The following METTL16 variants were observed in gnomAD, a reference collection of about 807,000 sequenced individuals.
METTL16 encodes the protein RNA N(6)-adenosine-methyltransferase METTL16.
In METTL16, 19 loss-of-function variants were observed where a neutral mutation model predicts 57.9. That is an observed-to-expected ratio of 0.33 (90% confidence interval 0.23 to 0.48). The LOEUF is 0.48. METTL16 is among the 20% of genes least tolerant of loss of function. METTL16 has a pLI of 0.99. For synonymous variants in METTL16, 246 were observed against 255.6 expected (o/e 0.96, Z 0.36); for missense variants, 434 against 691.5 (o/e 0.63, Z 4.18).
At chr17:2,468,213 T>C (rs908836344) in intron 4 of METTL16, among the ~76,000 whole-genome samples, 2 of 152,240 alleles carry the variant, frequency 1.3e-5, no homozygotes, top group African/African-American at 4.8e-5. Flanking sequence ...TAACAATGCA[T>C]TTCTCAGAAT....
At chr17:2,425,670 G>C (rs1476431405) in intron 8 of METTL16, among the ~76,000 whole-genome samples, 1 of 151,848 alleles carries the variant, frequency 6.6e-6, no homozygotes, top group East Asian at 1.9e-4. Context: ...GTAGCAGGGT[G>C]GTCTACAAAT....
intron 6 of METTL16, among the ~76,000 whole-genome samples, chr17:2,456,285 C>T (rs2067109565): frequency 6.6e-6 from 1 of 151,912 alleles, no homozygotes; most frequent in African/African-American, 2.4e-5. Context: ...TACTGACTGA[C>T]AACCCTACTT....
At position 2,508,123 on chromosome 17, in the gene METTL16, TAA is replaced by T. The variant is rs66655664; in HGVS notation, c.-1+3634_-1+3635del. On this transcript the variant is annotated intron_variant, in intron 1 of 9. Coordinates refer to ENST00000263092, the MANE Select transcript of METTL16 (RefSeq NM_024086.4). The stretch of plus-strand genomic sequence containing the variant: ...GCGAGAAACACCCAAGAATGATCAA[TAA>T]AAAAAAAAAAAAAGACAAATCCTCT... Among the ~76,000 whole-genome samples, 457 of 144,206 alleles carry T rather than the reference TAA, an allele frequency of 3.2e-3. 2 individuals carry two copies. The highest frequency in any genetic ancestry group is 7.2e-3 in the Middle Eastern group (2 of 276). The allele number at this position is 144,206 out of a possible 152,430, so 94.6% of individuals were successfully genotyped here.
At chr17:2,507,375 TGGG>T (rs1170741240) in intron 1 of METTL16, among the ~76,000 whole-genome samples, 2 of 120,478 alleles carry the variant, frequency 1.7e-5, no homozygotes, top group African/African-American at 6.5e-5. Context: ...GGGAGGGAGG[TGGG>T]GGGGTCAGCC....
At chr17:2,456,391 T>G (rs1194339604) in intron 6 of METTL16, among the ~76,000 whole-genome samples, 1 of 152,210 alleles carries the variant, frequency 6.6e-6, no homozygotes, top group Non-Finnish European at 1.5e-5. Flanking sequence ...AGTGGTATGT[T>G]CTTTTTAACA....
chr17:2,416,075 T>C lies in METTL16; in HGVS notation c.*3895A>G, dbSNP rs2066712443. On this transcript the variant is annotated 3_prime_UTR_variant, in exon 10 of 10. Transcript: ENST00000263092. The stretch of plus-strand genomic sequence containing the variant: ...TTTTTTCTCTTTCTACTTTTATTTT[T>C]CAAATTTTATTTCTGTGAAAATGTA... 1 of 152,248 alleles carries C rather than the reference T, an allele frequency of 6.6e-6. No homozygotes were observed. The highest frequency in any genetic ancestry group is 1.5e-5 in the Non-Finnish European group (1 of 68,044). 9.4% of individuals were successfully genotyped at this position (152,248 alleles called of 1,614,324 possible).
chr17:2,471,232 C>T (rs1379201356), intron 4 of METTL16, among the ~76,000 whole-genome samples: 4 of 152,160 alleles, frequency 2.6e-5, no homozygotes, highest in African/African-American at 9.6e-5. Context: ...GGTGCAGCGT[C>T]GCAATCTCAG....
In METTL16 at chr17:2,496,059, G is replaced by C. The variant is rs112830620; in HGVS notation, c.128+6145C>G. 3.7e-3 allele frequency among the ~76,000 whole-genome samples: 557 copies of C among 151,540 alleles called. 16 individuals carry two copies. Among genetic ancestry groups the C allele is most frequent in the African/African-American group, 0.013 (527 of 40,950 alleles). Reference sequence around the variant, plus strand: ...TGGGAGCTGGAGGTTGCAGTGACCTGAGACCACACCACTGCACTCCAGCAG... The same window carrying C: ...TGGGAGCTGGAGGTTGCAGTGACCTCAGACCACACCACTGCACTCCAGCAG... On this transcript the variant is annotated intron_variant, in intron 2 of 9. Transcript: ENST00000263092.
At chr17:2,480,554 G>T (rs1208466688) in intron 2 of METTL16, among the ~76,000 whole-genome samples, 1 of 152,120 alleles carries the variant, frequency 6.6e-6, no homozygotes, top group Non-Finnish European at 1.5e-5. Flanking sequence ...ACTCCCCAAA[G>T]GAATCGGAGT....
intron 8 of METTL16, among the ~76,000 whole-genome samples, chr17:2,434,739 G>A (rs1019200976): frequency 6.6e-6 from 1 of 152,144 alleles, no homozygotes; most frequent in South Asian, 2.1e-4. Flanking sequence ...CATGCACAAA[G>A]TTGCCTAATT....
chr17:2,484,480 T>C (rs1269517991), intron 2 of METTL16, among the ~76,000 whole-genome samples: 1 of 152,060 alleles, frequency 6.6e-6, no homozygotes, highest in East Asian at 1.9e-4. Flanking sequence ...TTTCAAAGGT[T>C]ATGACCACTA....
At chr17:2,465,073 C>G (rs8081963) in intron 5 of METTL16, among the ~76,000 whole-genome samples, 151,980 of 152,340 alleles carry the variant, frequency 1, 75,811 homozygotes, top group Middle Eastern at 1. Context: ...ATAATAAAAA[C>G]AAAAACAAAC....
chr17:2,445,730 G>T (rs186517608), intron 6 of METTL16, among the ~76,000 whole-genome samples: 3 of 151,552 alleles, frequency 2.0e-5, no homozygotes, highest in Non-Finnish European at 2.9e-5. Flanking sequence ...AGGTCACAGT[G>T]AGCTGAGATG....
chr17:2,473,697 A>G (rs1431077866), intron 3 of METTL16, 33 bp from the exon 4 acceptor site: 11 of 1,594,742 alleles, frequency 6.9e-6, no homozygotes, highest in Non-Finnish European at 9.4e-6. Flanking sequence ...CACATTCTAC[A>G]CACCAGAGGG....
At chr17:2,488,430 G>A (rs555635664) in intron 2 of METTL16, among the ~76,000 whole-genome samples, 4 of 151,844 alleles carry the variant, frequency 2.6e-5, no homozygotes, top group South Asian at 2.1e-4. Context: ...GGTGGTGGGC[G>A]CTTATGATCC....
intron 8 of METTL16, among the ~76,000 whole-genome samples, chr17:2,434,262 G>A (rs2066894606): frequency 6.6e-6 from 1 of 152,164 alleles, no homozygotes; most frequent in Non-Finnish European, 1.5e-5. Context: ...GCAACGGCGT[G>A]ACCTCGGCTC....
In METTL16 at chr17:2,441,477, G is replaced by T; in HGVS notation, c.798+13C>A. 1.3e-6 allele frequency: 2 copies of T among 1,573,822 alleles called. No individual in the cohort carries two copies. The highest frequency in any genetic ancestry group is 1.9e-5 in the Admixed American group (1 of 53,940). Reference sequence around the variant, plus strand: ...AAAGTAGCTACACGAGAACAGTAATGAGGAAGCCTCACCCCTTGTATGCGA... The same window carrying T: ...AAAGTAGCTACACGAGAACAGTAATTAGGAAGCCTCACCCCTTGTATGCGA... On this transcript the variant is annotated intron_variant, in intron 7 of 9. Coordinates refer to ENST00000263092, the MANE Select transcript of METTL16 (RefSeq NM_024086.4).
At chr17:2,432,092 G>A (rs558347834) in intron 8 of METTL16, among the ~76,000 whole-genome samples, 17 of 152,178 alleles carry the variant, frequency 1.1e-4, no homozygotes, top group African/African-American at 2.2e-4. Context: ...CTATAGGCGC[G>A]CACCACCATG....
chr17:2,448,200 G>A (rs2067029162), intron 6 of METTL16, among the ~76,000 whole-genome samples: 1 of 148,674 alleles, frequency 6.7e-6, no homozygotes. Flanking sequence ...CTACTGGGAA[G>A]TGAGGAGCCC....
Sources: gnomAD v4.1 joint callset for allele counts (sites outside exome capture counted in the v4.1 genomes callset) on GRCh38, gnomAD v4.1.1 for gene constraint, MANE v1.5 for transcripts, NCBI Gene and HGNC (gene_info 2026-07-23, HGNC 2026-07-21) for gene names.